PTK2: variants seen among roughly 807,000 people sequenced by gnomAD.
PTK2 encodes the protein protein tyrosine kinase 2.
Under a neutral mutation model 150.1 loss-of-function variants are expected in PTK2, and 45 were observed. The ratio of observed to expected loss-of-function variants is 0.30; its 90% CI spans 0.24 to 0.38. The LOEUF (loss-of-function observed/expected upper bound fraction) is 0.38, where lower values mean the gene tolerates loss of function less well. Ranked by LOEUF, PTK2 falls within the 10% of genes least tolerant of loss-of-function variation. The pLI is 1.00. For synonymous variants in PTK2, 432 were observed against 449.2 expected, an observed-to-expected ratio of 0.96 and a Z score of 0.48; for missense variants, 919 against 1,307.3, an observed-to-expected ratio of 0.70 and a Z score of 4.58.
At chr8:140,879,676 G>GAAAAAAGA (rs2100147781) in intron 3 of PTK2, 39 bp from the exon 4 acceptor site, 1 of 31,602 alleles carries the variant, frequency 3.2e-5, no homozygotes, top group Non-Finnish European at 4.8e-5. Context: ...GTTATAAACT[G>GAAAAAAGA]AAAAAAAAAA....
At chr8:140,707,983 T>C (rs1000364695) in intron 23 of PTK2, among the ~76,000 whole-genome samples, 1 of 152,156 alleles carries the variant, frequency 6.6e-6, no homozygotes, top group African/African-American at 2.4e-5. Flanking sequence ...TAAAGTCACT[T>C]CCAGGTCTTA....
At chr8:140,991,052 T>C (rs1286092319) in intron 1 of PTK2, among the ~76,000 whole-genome samples, 1 of 152,230 alleles carries the variant, frequency 6.6e-6, no homozygotes, top group Non-Finnish European at 1.5e-5. Context: ...GTTATGCGTC[T>C]AATTCTGCAT....
rs145991433 is a variant in PTK2 at position 140,894,880 on chromosome 8, G to T, written c.-32-4111C>A. On this transcript the variant is annotated intron_variant, in intron 2 of 31. Coordinates refer to ENST00000522684, the Ensembl canonical transcript of PTK2. ...ACGCTATAGAAGATCTGAAGAGCACGATTAACAAATCTGATCTAATTGACA... is the reference window on the plus strand; with the variant it reads ...ACGCTATAGAAGATCTGAAGAGCACTATTAACAAATCTGATCTAATTGACA... Among the ~76,000 whole-genome samples the T allele has an allele frequency of 4.3e-3, 655 of 152,218 alleles. 4 individuals carry two copies. Among genetic ancestry groups the T allele is most frequent in the African/African-American group, 0.015 (624 of 41,542 alleles).
At chr8:140,679,259 A>AG (rs1305123437) in intron 27 of PTK2, among the ~76,000 whole-genome samples, 1 of 151,918 alleles carries the variant, frequency 6.6e-6, no homozygotes, top group Non-Finnish European at 1.5e-5. Flanking sequence ...TCCTGACCTC[A>AG]GGTGATCTGC....
chr8:140,765,602 C>T (rs970802405), intron 14 of PTK2, among the ~76,000 whole-genome samples: 5 of 151,976 alleles, frequency 3.3e-5, no homozygotes, highest in African/African-American at 4.8e-5. Context: ...TATTCTTATA[C>T]GTTTATAAGA....
At chr8:140,824,478 A>C (rs1024181755) in intron 8 of PTK2, among the ~76,000 whole-genome samples, 4 of 152,182 alleles carry the variant, frequency 2.6e-5, no homozygotes, top group African/African-American at 9.7e-5. Flanking sequence ...CAACTCTCTC[A>C]TTCTCCACCA....
chr8:140,683,283 A>G (rs144526208), intron 27 of PTK2, among the ~76,000 whole-genome samples: 22 of 152,280 alleles, frequency 1.4e-4, no homozygotes, highest in Non-Finnish European at 2.5e-4. Context: ...ACACATACAC[A>G]TTCCCAAGAC....
intron 3 of PTK2, 89 bp from the exon 4 acceptor site, chr8:140,879,726 A>C: frequency 8.6e-7 from 1 of 1,157,970 alleles, no homozygotes; most frequent in Non-Finnish European, 1.1e-6. Flanking sequence ...AAACAAAACA[A>C]AAAAAAAACT....
intron 1 of PTK2, among the ~76,000 whole-genome samples, chr8:140,929,407 C>T (rs1342821942): frequency 1.3e-5 from 2 of 151,966 alleles, no homozygotes; most frequent in South Asian, 2.1e-4. Context: ...AAGTCTAAAG[C>T]GAAAGAGACA....
chr8:140,964,596 A>G (rs1275507051), intron 1 of PTK2, among the ~76,000 whole-genome samples: 4 of 119,654 alleles, frequency 3.3e-5, no homozygotes, highest in South Asian at 2.7e-4. Flanking sequence ...GAGTCTCACT[A>G]TATTACCCAG....
intron 14 of PTK2, chr8:140,764,629 T>C: frequency 2.6e-6 from 1 of 379,128 alleles, no homozygotes. Context: ...CTACACCAAA[T>C]ACATGTTTAA....
At chr8:140,805,167 T>C (rs1207579585) in intron 10 of PTK2, among the ~76,000 whole-genome samples, 1 of 152,152 alleles carries the variant, frequency 6.6e-6, no homozygotes, top group Non-Finnish European at 1.5e-5. Context: ...CCCTATATCA[T>C]ACTACCACAT....
intron 1 of PTK2, among the ~76,000 whole-genome samples, chr8:140,961,219 G>A (rs1240392238): frequency 2.6e-5 from 4 of 152,178 alleles, no homozygotes; most frequent in Non-Finnish European, 4.4e-5. Flanking sequence ...TAAGCTTATG[G>A]ATGGTATCAA....
intron 23 of PTK2, among the ~76,000 whole-genome samples, chr8:140,710,193 G>A (rs2100036013): frequency 6.6e-6 from 1 of 151,732 alleles, no homozygotes; most frequent in Non-Finnish European, 1.5e-5. Context: ...GCTGGGCAAT[G>A]GTGGCTTGCA....
At chr8:140,873,775 T>C (rs2100143963) in intron 4 of PTK2, among the ~76,000 whole-genome samples, 2 of 152,206 alleles carry the variant, frequency 1.3e-5, no homozygotes, top group Non-Finnish European at 2.9e-5. Context: ...CAGCAATTTT[T>C]ATATTGATCA....
In PTK2 at chr8:140,665,002, C is replaced by A; in HGVS notation, c.2866-5G>T. ...CCTCAGGGCCAAGCCGACTTCCTAA[C>A]AGACAAGAATCACAACCAATATTAG... On this transcript the variant is annotated splice_region_variant and splice_polypyrimidine_tract_variant and intron_variant, in intron 30 of 31. Transcript: ENST00000522684. 1 of 1,612,982 alleles carries A rather than the reference C, an allele frequency of 6.2e-7. No homozygotes were observed. The highest frequency in any genetic ancestry group is 1.3e-5 in the African/African-American group (1 of 74,980).
intron 2 of PTK2, among the ~76,000 whole-genome samples, chr8:140,893,358 T>A (rs1308797731): frequency 2.0e-5 from 3 of 152,156 alleles, no homozygotes; most frequent in Non-Finnish European, 4.4e-5. Flanking sequence ...AGCAGCATTA[T>A]CCACAATACC....
At chr8:140,925,396 G>T (rs894094903) in intron 2 of PTK2, among the ~76,000 whole-genome samples, 7 of 152,042 alleles carry the variant, frequency 4.6e-5, no homozygotes, top group Admixed American at 4.6e-4. Context: ...AGAATGTCAG[G>T]TATCTCATAC....
chr8:140,874,312 A>C (rs938800120), intron 4 of PTK2, among the ~76,000 whole-genome samples: 1 of 152,246 alleles, frequency 6.6e-6, no homozygotes, highest in African/African-American at 2.4e-5. Context: ...ACTCTATAGC[A>C]GATAGCACAA....
Sources: gnomAD v4.1 joint callset for allele counts (sites outside exome capture counted in the v4.1 genomes callset) on GRCh38, gnomAD v4.1.1 for gene constraint, MANE v1.5 for transcripts, NCBI Gene and HGNC (gene_info 2026-07-23, HGNC 2026-07-21) for gene names.